The following TBX5 variants were observed in gnomAD, a reference collection of about 807,000 sequenced individuals.
TBX5 encodes the protein T-box transcription factor 5.
Under a neutral mutation model 51.1 loss-of-function variants are expected in TBX5, and 8 were observed. That is an observed-to-expected ratio of 0.16 (90% CI 0.09 to 0.28). The LOEUF is 0.28. TBX5 is among the 10% of genes least tolerant of loss of function. TBX5 has a pLI of 1.00. For missense variants in TBX5, 589 were observed against 671.7 expected, an observed-to-expected ratio of 0.88 and a Z score of 1.36; for synonymous variants, 302 against 266.4, an observed-to-expected ratio of 1.13 and a Z score of -1.30.
intron 2 of TBX5, among the ~76,000 whole-genome samples, chr12:114,402,965 A>C (rs756386873): frequency 6.6e-6 from 1 of 152,210 alleles, no homozygotes; most frequent in Non-Finnish European, 1.5e-5. Flanking sequence ...GATTTTAGCC[A>C]TGTGTAAGTG....
intron 7 of TBX5, among the ~76,000 whole-genome samples, chr12:114,383,175 G>C (rs867340245): frequency 8.5e-5 from 13 of 152,192 alleles, no homozygotes; most frequent in Middle Eastern, 6.8e-3. Flanking sequence ...AGTTTGAGGG[G>C]CTGATTCCCA....
At chr12:114,392,871 G>C (rs923178807) in intron 6 of TBX5, among the ~76,000 whole-genome samples, 2 of 152,132 alleles carry the variant, frequency 1.3e-5, no homozygotes, top group Admixed American at 6.5e-5. Context: ...TGCTCTTGCT[G>C]GTTCAACAGG....
At chr12:114,403,985 A>T in intron 1 of TBX5, 49 bp from the exon 2 acceptor site, 1 of 1,553,144 alleles carries the variant, frequency 6.4e-7, no homozygotes. Context: ...ACAGAGAGAG[A>T]ACGAGAGAAA....
At chr12:114,361,416 A>C (rs1184413615) in intron 8 of TBX5, among the ~76,000 whole-genome samples, 1 of 152,120 alleles carries the variant, frequency 6.6e-6, no homozygotes, top group Non-Finnish European at 1.5e-5. Context: ...GGTTGCTTTT[A>C]GTTTCTAATG....
chr12:114,393,574 G>C (rs1197563548), intron 6 of TBX5, among the ~76,000 whole-genome samples: 2 of 152,118 alleles, frequency 1.3e-5, no homozygotes, highest in Non-Finnish European at 2.9e-5. Flanking sequence ...GACAAGTCGA[G>C]ACAAACTTTC....
chr12:114,354,536 T>C lies in TBX5; in HGVS notation c.*996A>G, dbSNP rs1267114235. 6.6e-6 allele frequency: 1 copy of C among 152,278 alleles called. No individual in the cohort carries two copies. The highest frequency in any genetic ancestry group is 1.5e-5 in the Non-Finnish European group (1 of 68,038). The allele number at this position is 152,278 out of a possible 1,614,324, so 9.4% of individuals were successfully genotyped here. ...TTGCTTGACATCCAGTTTGGGTTGT[T>C]GGTGATGGAGGTTTGGAAGGTTGGG... On this transcript the variant is annotated 3_prime_UTR_variant, in exon 9 of 9. Coordinates refer to ENST00000405440, the MANE Select transcript of TBX5 (RefSeq NM_181486.4).
At chr12:114,363,547 G>T (rs529061071) in intron 8 of TBX5, among the ~76,000 whole-genome samples, 9 of 152,280 alleles carry the variant, frequency 5.9e-5, no homozygotes, top group Middle Eastern at 3.4e-3. Flanking sequence ...AACCTGGTGA[G>T]CTCTTAATCA....
Position 114,355,930 on chromosome 12 carries a change from T to G in TBX5, c.1159A>C (p.Ser387Arg), listed in dbSNP as rs1408313534. 1 of 1,613,730 alleles carries G rather than the reference T, an allele frequency of 6.2e-7. No individual in the cohort carries two copies. Among genetic ancestry groups the G allele is most frequent in the Admixed American group, 1.7e-5 (1 of 60,018 alleles). Reference sequence around the variant, plus strand: ...TCCTCTAGGCTGGGCACAGGCTCGCTGGGGGGCGCAGAGCTGGCATACATG... The same window carrying G: ...TCCTCTAGGCTGGGCACAGGCTCGCGGGGGGGCGCAGAGCTGGCATACATG... ...ACMYASSAPP[S>R]EPVPSLEDIS... The change falls in exon 9 of 9, where the codon AGC becomes CGC. Residue 387 changes from serine to arginine, a missense_variant. Around this residue, in one of 7 missense-constraint regions of TBX5, gnomAD observed 348 missense variants for 360.4 expected, o/e 0.97. Transcript: ENST00000405440.
At chr12:114,397,416 G>A (rs946725985) in intron 5 of TBX5, among the ~76,000 whole-genome samples, 1 of 152,192 alleles carries the variant, frequency 6.6e-6, no homozygotes, top group East Asian at 1.9e-4. Context: ...TGCCCAAGAC[G>A]AATGTACCCA....
rs530073917 is a variant in TBX5 at position 114,404,922 on chromosome 12, C to A, written c.-39+706G>T. 3.3e-5 allele frequency among the ~76,000 whole-genome samples: 5 copies of A among 152,336 alleles called. No homozygotes were observed. The East Asian group carries it at 9.7e-4, about 29-fold the overall frequency. ...GGTCCCCGCAATGCATAGAACGGCC[C>A]GGGTTTGCAGGCGTATGAGCTTAGA... is the stretch of plus-strand genomic sequence containing the variant. On this transcript the variant is annotated intron_variant, in intron 1 of 8. Transcript: ENST00000405440.
intron 6 of TBX5, among the ~76,000 whole-genome samples, chr12:114,390,469 C>T (rs1365303277): frequency 6.6e-6 from 1 of 152,190 alleles, no homozygotes; most frequent in Non-Finnish European, 1.5e-5. Flanking sequence ...GAAAAACAAA[C>T]ATAAATACCA....
intron 8 of TBX5, among the ~76,000 whole-genome samples, chr12:114,357,472 C>T (rs750342641): frequency 9.2e-5 from 14 of 152,176 alleles, no homozygotes; most frequent in Non-Finnish European, 1.6e-4. Flanking sequence ...TTAATATCTG[C>T]GTGATACCAG....
At chr12:114,356,127 G>A (rs931630578) in intron 8 of TBX5, 21 bp from the exon 9 acceptor site, 2 of 1,604,430 alleles carry the variant, frequency 1.2e-6, no homozygotes, top group Non-Finnish European at 1.7e-6. Context: ...AGGAGAGACA[G>A]CAGTGAGGCC....
intron 8 of TBX5, among the ~76,000 whole-genome samples, chr12:114,360,589 T>G (rs1487104225): frequency 1.3e-5 from 2 of 149,120 alleles, no homozygotes; most frequent in African/African-American, 5.0e-5. Flanking sequence ...GATAAGTGGG[T>G]GGATGGATAA....
intron 7 of TBX5, among the ~76,000 whole-genome samples, chr12:114,383,971 T>C (rs1870654609): frequency 6.6e-6 from 1 of 152,132 alleles, no homozygotes; most frequent in African/African-American, 2.4e-5. Flanking sequence ...CAGAATGGGA[T>C]AGGAACAGAA....
At chr12:114,391,882 C>T (rs142838113) in intron 6 of TBX5, among the ~76,000 whole-genome samples, 187 of 152,244 alleles carry the variant, frequency 1.2e-3, no homozygotes, top group African/African-American at 4.4e-3. Flanking sequence ...GGATTTGCTC[C>T]TGAAAAAGAA....
In TBX5 at chr12:114,405,991, T is replaced by A; in HGVS notation, c.-402A>T. On this transcript the variant is annotated 5_prime_UTR_variant, in exon 1 of 9. Transcript: ENST00000405440. ...TTGGAAGCCCAGTGAATGGTCGAAG[T>A]CCTTTCTGAGCGCAGCTTTCAGGAT... is the stretch of plus-strand genomic sequence containing the variant. The A allele has an allele frequency of 1.0e-6, 1 of 985,274 alleles. No individual in the cohort carries two copies. The highest frequency in any genetic ancestry group is 1.2e-6 in the Non-Finnish European group (1 of 829,946). 61.0% of individuals were successfully genotyped at this position (985,274 alleles called of 1,614,324 possible). A position where few individuals can be genotyped will look rare whatever the true frequency, so the allele number is the denominator to read the frequency against.
chr12:114,380,605 G>A (rs1870454763), intron 7 of TBX5, among the ~76,000 whole-genome samples: 1 of 152,136 alleles, frequency 6.6e-6, no homozygotes, highest in Non-Finnish European at 1.5e-5. Flanking sequence ...TAGAAGGCCA[G>A]GACATGAGGA....
chr12:114,408,301 C>A (rs1278717056), upstream of TBX5: 4 of 809,718 alleles, frequency 4.9e-6, no homozygotes, highest in Non-Finnish European at 4.5e-6. Flanking sequence ...GAACATAAGA[C>A]ACAAATAGAG....
Sources: gnomAD v4.1 joint callset for allele counts (sites outside exome capture counted in the v4.1 genomes callset) on GRCh38, gnomAD v4.1.1 for gene constraint, gnomAD v4.1.1 regional missense constraint, MANE v1.5 for transcripts, NCBI Gene and HGNC (gene_info 2026-07-23, HGNC 2026-07-21) for gene names.